DDX10: variants seen among roughly 807,000 people sequenced by gnomAD.
DDX10 encodes the protein DEAD-box helicase 10, also known as probable ATP-dependent RNA helicase DDX10.
A neutral mutation model predicts 104.3 loss-of-function variants in DDX10; 74 were observed. The observed-to-expected ratio is 0.71, with a 90% CI of 0.59 to 0.86. The LOEUF (loss-of-function observed/expected upper bound fraction) is 0.86. DDX10 is among the 40% of genes least tolerant of loss of function. The pLI, the probability that DDX10 is intolerant of heterozygous loss-of-function variation, is 0.00. For synonymous variants in DDX10, 351 were observed against 353.4 expected, an observed-to-expected ratio of 0.99 and a Z score of 0.08; for missense variants, 952 against 1,040.0, an observed-to-expected ratio of 0.92 and a Z score of 1.16.
chr11:108,713,418 C>G (rs1218772291), intron 10 of DDX10, among the ~76,000 whole-genome samples: 2 of 152,114 alleles, frequency 1.3e-5, no homozygotes, highest in Non-Finnish European at 2.9e-5. Flanking sequence ...AGAGATTCTT[C>G]CCTCAGCTGT....
intron 15 of DDX10, 23 bp downstream of exon 15, chr11:108,841,499 A>T (rs1379966152): frequency 6.2e-7 from 1 of 1,608,650 alleles, no homozygotes; most frequent in East Asian, 2.2e-5. Flanking sequence ...TCTTGAATTC[A>T]TACTGAGTAA....
chr11:108,779,657 TTAAAG>T (rs200262831), intron 13 of DDX10, among the ~76,000 whole-genome samples: 75 of 152,204 alleles, frequency 4.9e-4, no homozygotes, highest in Non-Finnish European at 7.4e-4. Context: ...ACCCTAGAAC[TTAAAG>T]TAAAATAAAA....
At chr11:108,778,849 A>G (rs2094373844) in intron 13 of DDX10, among the ~76,000 whole-genome samples, 1 of 152,242 alleles carries the variant, frequency 6.6e-6, no homozygotes, top group Admixed American at 6.5e-5. Flanking sequence ...TACAAGAAAA[A>G]GTCAACCCCA....
chr11:108,672,481 A>G (rs1278820451), intron 1 of DDX10, among the ~76,000 whole-genome samples: 5 of 152,224 alleles, frequency 3.3e-5, no homozygotes, highest in Non-Finnish European at 7.3e-5. Context: ...CTTTCCAGTG[A>G]TATCTGAAAT....
chr11:108,672,062 GAAAAAAA>G (rs55845865), intron 1 of DDX10, among the ~76,000 whole-genome samples: 60 of 68,640 alleles, frequency 8.7e-4, no homozygotes, highest in Middle Eastern at 8.8e-3. Context: ...CTCCATCTCG[GAAAAAAA>G]AAAAAAAAAA....
At chr11:108,819,034 T>C (rs1252529701) in intron 13 of DDX10, among the ~76,000 whole-genome samples, 1 of 152,228 alleles carries the variant, frequency 6.6e-6, no homozygotes, top group Non-Finnish European at 1.5e-5. Flanking sequence ...TGCAATGTTT[T>C]TGCAACACTT....
chr11:108,886,378 T>G (rs1863296166), intron 16 of DDX10, among the ~76,000 whole-genome samples: 1 of 152,230 alleles, frequency 6.6e-6, no homozygotes, highest in South Asian at 2.1e-4. Flanking sequence ...TCAGAGCTTT[T>G]AGCTCTACAG....
chr11:108,940,649 GT>G lies in DDX10; in HGVS notation c.*230del. On this transcript the variant is annotated 3_prime_UTR_variant, in exon 18 of 18. Transcript: ENST00000322536. Reference sequence around the variant, plus strand: ...GTGGATGATACCATTTCCTGACCCCGTTTTCCAGCATGTGTTCTGTTAGATT... The same window carrying G: ...GTGGATGATACCATTTCCTGACCCCGTTTCCAGCATGTGTTCTGTTAGATT... 2.6e-6 allele frequency: 1 copy of G among 385,180 alleles called. No individual in the cohort carries two copies. The highest frequency in any genetic ancestry group is 4.2e-5 in the Admixed American group (1 of 23,640). 23.9% of individuals were successfully genotyped at this position (385,180 alleles called of 1,614,324 possible). A position where few individuals can be genotyped will look rare whatever the true frequency, so the allele number is the denominator to read the frequency against.
intron 17 of DDX10, among the ~76,000 whole-genome samples, chr11:108,936,322 A>T (rs1864037138): frequency 6.6e-6 from 1 of 152,208 alleles, no homozygotes; most frequent in Non-Finnish European, 1.5e-5. Flanking sequence ...TTATCTCTGA[A>T]TTCTTTAGCT....
Position 108,897,861 on chromosome 11 carries a change from A to C in DDX10, c.2305-20012A>C, listed in dbSNP as rs576304494. ...CAAAGGAACCATCTTCCAGCCACTG[A>C]CAATTAGGATTTCCAATGGTGTATT... On this transcript the variant is annotated intron_variant, in intron 16 of 17. Transcript: ENST00000322536. Among the ~76,000 whole-genome samples the C allele has an allele frequency of 2.1e-3, 321 of 152,238 alleles. 2 individuals carry two copies. Among genetic ancestry groups the C allele is most frequent in the African/African-American group, 7.3e-3 (304 of 41,544 alleles).
At chr11:108,816,305 C>T (rs2134572834) in intron 13 of DDX10, among the ~76,000 whole-genome samples, 1 of 152,290 alleles carries the variant, frequency 6.6e-6, no homozygotes, top group Middle Eastern at 3.4e-3. Flanking sequence ...AATATATGTC[C>T]TGAGCCTGTT....
intron 13 of DDX10, among the ~76,000 whole-genome samples, chr11:108,776,553 G>A (rs2094370146): frequency 6.6e-6 from 1 of 152,136 alleles, no homozygotes; most frequent in African/African-American, 2.4e-5. Context: ...GGCCCCTCGA[G>A]ATTCCATATC....
At chr11:108,789,290 C>T (rs1001245765) in intron 13 of DDX10, among the ~76,000 whole-genome samples, 6 of 152,072 alleles carry the variant, frequency 3.9e-5, no homozygotes, top group African/African-American at 7.2e-5. Flanking sequence ...AATTGATGAG[C>T]GGGACAAGTA....
At chr11:108,737,762 C>T (rs1185579095) in intron 13 of DDX10, among the ~76,000 whole-genome samples, 1 of 152,146 alleles carries the variant, frequency 6.6e-6, no homozygotes, top group Non-Finnish European at 1.5e-5. Context: ...CATTGCTAGA[C>T]TCAGTGAATC....
At position 108,673,670 on chromosome 11, in the gene DDX10, C is replaced by T. The variant is rs750778871; in HGVS notation, c.247+143C>T. On this transcript the variant is annotated intron_variant, in intron 2 of 17. Coordinates refer to ENST00000322536, the MANE Select transcript of DDX10 (RefSeq NM_004398.4). ...AAAACCAATGAAAATAAGCAATATT[C>T]AAGTTTTAACAGTACGTTATTCTCA... 4.5e-4 allele frequency: 271 copies of T among 607,008 alleles called. 1 individual carries two copies. Among genetic ancestry groups the T allele is most frequent in the Non-Finnish European group, 6.7e-4 (229 of 340,646 alleles). 37.6% of individuals were successfully genotyped at this position (607,008 alleles called of 1,614,324 possible).
chr11:108,698,210 C>G (rs2134454786), intron 9 of DDX10, among the ~76,000 whole-genome samples: 1 of 152,200 alleles, frequency 6.6e-6, no homozygotes, highest in East Asian at 1.9e-4. Flanking sequence ...TATGGAATAG[C>G]TAATGAGAAT....
At chr11:108,819,485 T>A (rs1862297523) in intron 13 of DDX10, among the ~76,000 whole-genome samples, 1 of 152,212 alleles carries the variant, frequency 6.6e-6, no homozygotes, top group Admixed American at 6.5e-5. Context: ...TCCGTTGATA[T>A]AATTATTTTT....
chr11:108,766,763 G>A (rs1344785105), intron 13 of DDX10, among the ~76,000 whole-genome samples: 1 of 152,132 alleles, frequency 6.6e-6, no homozygotes, highest in African/African-American at 2.4e-5. Flanking sequence ...CTGCACCAGT[G>A]CCTGGTACAT....
chr11:108,935,652 A>G (rs773311886), intron 17 of DDX10, among the ~76,000 whole-genome samples: 3 of 152,168 alleles, frequency 2.0e-5, no homozygotes, highest in Non-Finnish European at 4.4e-5. Flanking sequence ...GAAGGCTGAT[A>G]TATAAGACTG....
Sources: gnomAD v4.1 joint callset for allele counts (sites outside exome capture counted in the v4.1 genomes callset) on GRCh38, gnomAD v4.1.1 for gene constraint, MANE v1.5 for transcripts, NCBI Gene and HGNC (gene_info 2026-07-23, HGNC 2026-07-21) for gene names.